Variants in CHRDL2 observed in about 807,000 individuals in gnomAD.
CHRDL2 encodes the protein chordin like 2.
In CHRDL2, 41 loss-of-function variants were observed where a neutral mutation model predicts 54.3. That is an observed-to-expected ratio of 0.76 (90% CI 0.59 to 0.98). CHRDL2 has a LOEUF of 0.98. Ranked by LOEUF, CHRDL2 falls within the 50% of genes least tolerant of loss-of-function variation. The pLI is 0.00. For synonymous variants in CHRDL2, 220 were observed against 224.3 expected, an observed-to-expected ratio of 0.98 and a Z score of 0.17; for missense variants, 518 against 562.4, an observed-to-expected ratio of 0.92 and a Z score of 0.80.
At chr11:74,717,453 T>C (rs1037045600) in intron 2 of CHRDL2, among the ~76,000 whole-genome samples, 2 of 152,208 alleles carry the variant, frequency 1.3e-5, no homozygotes, top group African/African-American at 4.8e-5. Flanking sequence ...CTATATTTCA[T>C]AAAGTCCTTC....
chr11:74,704,692 C>T (rs747388520), intron 6 of CHRDL2, 38 bp from the exon 7 acceptor site: 1 of 1,587,908 alleles, frequency 6.3e-7, no homozygotes, highest in East Asian at 2.3e-5. Flanking sequence ...ACTGACTGAG[C>T]ATAGCAGGCC....
chr11:74,714,752 G>A, intron 2 of CHRDL2, among the ~76,000 whole-genome samples: 1 of 152,220 alleles, frequency 6.6e-6, no homozygotes, highest in East Asian at 1.9e-4. Context: ...CTAGGATGGA[G>A]TGCAAGGGAC....
chr11:74,711,076 G>A, intron 3 of CHRDL2, 85 bp from the exon 4 acceptor site: 1 of 1,452,852 alleles, frequency 6.9e-7, no homozygotes, highest in Non-Finnish European at 9.4e-7. Context: ...CTTTTCTGAT[G>A]ATTTTGCATT....
intron 1 of CHRDL2, among the ~76,000 whole-genome samples, chr11:74,729,806 T>G (rs1044725431): frequency 6.6e-6 from 1 of 152,124 alleles, no homozygotes; most frequent in African/African-American, 2.4e-5. Flanking sequence ...GTGGTTTGGT[T>G]TTCCATCCTC....
intron 1 of CHRDL2, among the ~76,000 whole-genome samples, chr11:74,729,031 G>T (rs2034611654): frequency 6.6e-6 from 1 of 152,210 alleles, no homozygotes; most frequent in South Asian, 2.1e-4. Flanking sequence ...GGGAGAGTTT[G>T]CTTGAAGAGG....
chr11:74,715,433 G>A (rs528629914), intron 2 of CHRDL2, among the ~76,000 whole-genome samples: 5 of 151,486 alleles, frequency 3.3e-5, no homozygotes, highest in South Asian at 2.1e-4. Flanking sequence ...GCAAAACCCC[G>A]TCTCTACTAA....
chr11:74,713,897 T>C (rs1022860463), intron 2 of CHRDL2, among the ~76,000 whole-genome samples: 2 of 151,890 alleles, frequency 1.3e-5, no homozygotes, highest in Non-Finnish European at 2.9e-5. Flanking sequence ...TGGGAGGGGG[T>C]GTGAGACTGA....
chr11:74,730,572 G>A (rs755679498), intron 1 of CHRDL2, among the ~76,000 whole-genome samples: 2 of 152,014 alleles, frequency 1.3e-5, no homozygotes, highest in Admixed American at 1.3e-4. Flanking sequence ...CTCTCCCCCC[G>A]CTGCCCTTGG....
In CHRDL2 at chr11:74,697,216, C is replaced by A. The variant is rs373547427; in HGVS notation, c.1202G>T (p.Gly401Val). 3.1e-6 allele frequency: 5 copies of A among 1,613,374 alleles called. No homozygotes were observed. The highest frequency in any genetic ancestry group is 4.2e-6 in the Non-Finnish European group (5 of 1,179,730). ...KEAQHFRLLA[G>V]PHEGHWNVFL... ...GCCCAAGCTCCTACCTTCGTGGGGG[C>A]CAGCGAGCAGTCGGAAGTGCTGTGC... The change falls in exon 10 of 11, where the codon GGC becomes GTC. Residue 401 changes from glycine to valine, a missense_variant. By Grantham distance (109) the Gly-to-Val change is moderately radical. Coordinates refer to ENST00000376332, the MANE Select transcript of CHRDL2 (RefSeq NM_001278473.3).
intron 9 of CHRDL2, chr11:74,697,747 A>G (rs769669599): frequency 2.8e-5 from 9 of 316,518 alleles, no homozygotes; most frequent in Non-Finnish European, 5.7e-5. Flanking sequence ...GAGGGAGGGA[A>G]GTGGAAGGCA....
intron 5 of CHRDL2, 147 bp downstream of exon 5, chr11:74,708,155 G>A: frequency 1.9e-6 from 1 of 529,716 alleles, no homozygotes; most frequent in Non-Finnish European, 3.2e-6. Context: ...CTTTCTGGGG[G>A]GTGCAGGCTA....
chr11:74,712,054 C>T (rs2034208501), intron 3 of CHRDL2, among the ~76,000 whole-genome samples: 1 of 152,062 alleles, frequency 6.6e-6, no homozygotes, highest in Non-Finnish European at 1.5e-5. Context: ...TTGTGATCCG[C>T]CCGCCTCGGC....
chr11:74,729,586 A>G (rs1267926604), intron 1 of CHRDL2, among the ~76,000 whole-genome samples: 1 of 152,200 alleles, frequency 6.6e-6, no homozygotes, highest in Non-Finnish European at 1.5e-5. Flanking sequence ...TGCTCTCATG[A>G]GCAGAAACAA....
At chr11:74,719,927 C>T (rs78824745) in intron 1 of CHRDL2, among the ~76,000 whole-genome samples, 3,616 of 152,204 alleles carry the variant, frequency 0.024, 156 homozygotes, top group African/African-American at 0.083. Flanking sequence ...CTCTGCCTCC[C>T]GCCCTATCCT....
At chr11:74,707,627 G>A (rs2034053367) in intron 5 of CHRDL2, among the ~76,000 whole-genome samples, 1 of 152,072 alleles carries the variant, frequency 6.6e-6, no homozygotes, top group Non-Finnish European at 1.5e-5. Flanking sequence ...CCTCTCACGT[G>A]CCACTTATGG....
intron 1 of CHRDL2, among the ~76,000 whole-genome samples, chr11:74,725,781 G>A (rs1264807125): frequency 6.6e-6 from 1 of 152,192 alleles, no homozygotes; most frequent in African/African-American, 2.4e-5. Context: ...TGGAATTGTG[G>A]CTGGCCTGTC....
At chr11:74,711,797 T>A (rs901010778) in intron 3 of CHRDL2, among the ~76,000 whole-genome samples, 15 of 148,388 alleles carry the variant, frequency 1.0e-4, no homozygotes, top group Non-Finnish European at 1.5e-4. Context: ...CAACATTTTT[T>A]AAATTTTTTT....
rs759545166 is a variant in CHRDL2, at chr11:74,696,482, C to T, written c.*27G>A. 2.7e-5 allele frequency: 42 copies of T among 1,561,584 alleles called. 1 individual carries two copies. The highest frequency in any genetic ancestry group is 1.0e-4 in the Admixed American group (6 of 59,942). On this transcript the variant is annotated 3_prime_UTR_variant, in exon 11 of 11. Transcript: ENST00000376332. ...ATATATAATAACAACAATTATACAGCTCATATCTGCAACTGTTAGGTCTTT... is the reference window on the plus strand; with the variant it reads ...ATATATAATAACAACAATTATACAGTTCATATCTGCAACTGTTAGGTCTTT...
intron 3 of CHRDL2, among the ~76,000 whole-genome samples, chr11:74,711,256 G>A (rs1322104289): frequency 6.6e-6 from 1 of 152,122 alleles, no homozygotes; most frequent in East Asian, 1.9e-4. Flanking sequence ...GCCCCAACCA[G>A]AGCAAGAAGG....
Sources: gnomAD v4.1 joint callset for allele counts (sites outside exome capture counted in the v4.1 genomes callset) on GRCh38, gnomAD v4.1.1 for gene constraint, MANE v1.5 for transcripts, NCBI Gene and HGNC (gene_info 2026-07-23, HGNC 2026-07-21) for gene names.